ASPHD1: variants seen among roughly 807,000 people sequenced by gnomAD.
ASPHD1 encodes the protein aspartate beta-hydroxylase domain containing 1.
Under a neutral mutation model 28.3 loss-of-function variants are expected in ASPHD1, and 20 were observed. The observed-to-expected ratio is 0.71, with a 90% CI of 0.50 to 1.03. ASPHD1 has a LOEUF of 1.03. ASPHD1 is among the 50% of genes least tolerant of loss of function. The pLI, the probability that ASPHD1 is intolerant of heterozygous loss-of-function variation, is 0.00. For missense variants in ASPHD1, 479 were observed against 524.1 expected, an observed-to-expected ratio of 0.91 and a Z score of 0.84; for synonymous variants, 240 against 221.2, an observed-to-expected ratio of 1.08 and a Z score of -0.75.
chr16:29,904,963 A>G lies in ASPHD1; in HGVS notation c.1061A>G (p.Asn354Ser). The change falls in exon 2 of 3, where the codon AAT becomes AGT. Residue 354 changes from asparagine (N) to serine (S), a missense_variant and splice_region_variant. Coordinates refer to ENST00000308748, the MANE Select transcript of ASPHD1 (RefSeq NM_181718.4). ...DDSFLHTVAH[N>S]GSPEDGPRVV... ...TCTTTTCTACACACAGTGGCTCACAATGGTAACGGGGTGCCCATTCTGCAG... is the reference window on the plus strand; with the variant it reads ...TCTTTTCTACACACAGTGGCTCACAGTGGTAACGGGGTGCCCATTCTGCAG... 1.2e-6 allele frequency: 2 copies of G among 1,610,940 alleles called. No individual in the cohort carries two copies. The highest frequency in any genetic ancestry group is 2.2e-5 in the South Asian group (2 of 90,832).
intron 3 of ASPHD1, chr16:29,912,233 G>C (rs765666130): frequency 4.8e-6 from 3 of 625,936 alleles, no homozygotes; most frequent in Non-Finnish European, 5.6e-6. Flanking sequence ...TTGGTCCCAC[G>C]GACACCTTGC....
downstream of ASPHD1, chr16:29,910,889 G>A: frequency 2.5e-6 from 3 of 1,219,668 alleles, no homozygotes; most frequent in Non-Finnish European, 3.5e-6. Context: ...TCCTGGTGGT[G>A]GGCTCCTTCC....
chr16:29,911,540 G>A (rs1178840249), intron 3 of ASPHD1: 7 of 588,200 alleles, frequency 1.2e-5, no homozygotes, highest in African/African-American at 7.5e-5. Context: ...ACCTCAAGGG[G>A]GAGGACTCTG....
At chr16:29,909,122 A>G (rs2068661848), downstream of ASPHD1, among the ~76,000 whole-genome samples, 1 of 152,038 alleles carries the variant, frequency 6.6e-6, no homozygotes, top group Admixed American at 6.6e-5. Flanking sequence ...CTAATGGGAG[A>G]TAGGAAAGAA....
At chr16:29,909,956 G>A (rs1026342764), downstream of ASPHD1, among the ~76,000 whole-genome samples, 1 of 151,890 alleles carries the variant, frequency 6.6e-6, no homozygotes, top group Non-Finnish European at 1.5e-5. Flanking sequence ...AAAATTAGCC[G>A]GGCATGGAGG....
intron 1 of ASPHD1, among the ~76,000 whole-genome samples, chr16:29,904,033 C>T (rs2068577523): frequency 6.6e-6 from 1 of 152,012 alleles, no homozygotes; most frequent in South Asian, 2.1e-4. Context: ...CTGCCAGGTG[C>T]CGTGGCTCAT....
chr16:29,916,907 T>C (rs922950840), intron 3 of ASPHD1, among the ~76,000 whole-genome samples: 2 of 152,152 alleles, frequency 1.3e-5, no homozygotes, highest in African/African-American at 4.8e-5. Context: ...GGGGAGTCTG[T>C]GCTTGCTGTC....
At chr16:29,908,921 C>T (rs532822235), downstream of ASPHD1, among the ~76,000 whole-genome samples, 1 of 152,014 alleles carries the variant, frequency 6.6e-6, no homozygotes, top group Admixed American at 6.6e-5. Flanking sequence ...CCTCAAACTC[C>T]TGGCCTTAAT....
At chr16:29,910,925 TC>T (rs2068696115), downstream of ASPHD1, 18 of 1,540,438 alleles carry the variant, frequency 1.2e-5, no homozygotes, top group Non-Finnish European at 1.4e-5. Flanking sequence ...TTGTCCAGGG[TC>T]CTGGTCCTGG....
intron 3 of ASPHD1, among the ~76,000 whole-genome samples, chr16:29,915,724 GATT>G (rs2068798520): frequency 6.6e-6 from 1 of 152,138 alleles, no homozygotes; most frequent in Admixed American, 6.6e-5. Context: ...TCAGAAGCGT[GATT>G]ATTATTTCAT....
downstream of ASPHD1, chr16:29,906,944 G>A: frequency 1.2e-6 from 2 of 1,614,112 alleles, no homozygotes; most frequent in East Asian, 2.2e-5. Flanking sequence ...CATGGATCCT[G>A]CGGACACGGT....
In ASPHD1 at chr16:29,901,550, A is replaced by G. The variant is rs200659218; in HGVS notation, c.579A>G (p.Pro193=). Residue 193 remains proline, a synonymous_variant, in exon 1 of 3, where the codon CCA becomes CCG. Transcript: ENST00000308748. The surrounding 1 kb of genome is among the most constrained non-coding windows in gnomAD (Gnocchi z 5.1). Reference sequence around the variant, plus strand: ...AGCGCCCAGGCCTGCTTTTCCTACCAGACCTGCCTTCAGCCCCCTTTGTGC... The same window carrying G: ...AGCGCCCAGGCCTGCTTTTCCTACCGGACCTGCCTTCAGCCCCCTTTGTGC... ...GIQRPGLLFL[P]DLPSAPFVPR... 3.1e-5 allele frequency: 48 copies of G among 1,558,620 alleles called. No individual in the cohort carries two copies. The highest frequency in any genetic ancestry group is 1.1e-5 in the Non-Finnish European group (13 of 1,158,754).
intron 1 of ASPHD1, among the ~76,000 whole-genome samples, chr16:29,902,479 T>G (rs965767643): frequency 6.6e-6 from 1 of 152,244 alleles, no homozygotes; most frequent in African/African-American, 2.4e-5. Context: ...AACATTCTAG[T>G]TAAGTGCTCT....
At chr16:29,908,480 G>A (rs948077438), downstream of ASPHD1, among the ~76,000 whole-genome samples, 3 of 152,118 alleles carry the variant, frequency 2.0e-5, no homozygotes, top group Admixed American at 1.3e-4. Flanking sequence ...CACTTCCCAA[G>A]TTCAAGCGAT....
intron 3 of ASPHD1, chr16:29,912,032 C>A (rs1424445083): frequency 6.2e-7 from 1 of 1,608,160 alleles, no homozygotes; most frequent in Non-Finnish European, 8.5e-7. Flanking sequence ...ACAGCGGGGA[C>A]AGCGTCTCCC....
downstream of ASPHD1, chr16:29,906,879 T>C (rs1163039453): frequency 6.2e-7 from 1 of 1,613,982 alleles, no homozygotes; most frequent in Non-Finnish European, 8.5e-7. Context: ...AGGTCAGTCC[T>C]TGAAGACAAT....
chr16:29,911,590 C>A, intron 3 of ASPHD1: 1 of 598,556 alleles, frequency 1.7e-6, no homozygotes, highest in Non-Finnish European at 3.0e-6. Flanking sequence ...AGGCTCGCCA[C>A]TATCACTTTG....
At chr16:29,906,982 G>T, downstream of ASPHD1, 1 of 1,614,128 alleles carries the variant, frequency 6.2e-7, no homozygotes, top group South Asian at 1.1e-5. Flanking sequence ...TCCTCCCCGC[G>T]GCCAGCCCCA....
Position 29,904,938 on chromosome 16 carries a change from T to A in ASPHD1, c.1036T>A (p.Ser346Thr), listed in dbSNP as rs1470812122. 6.2e-7 allele frequency: 1 copy of A among 1,613,274 alleles called. No homozygotes were observed. Among genetic ancestry groups the A allele is most frequent in the Non-Finnish European group, 8.5e-7 (1 of 1,179,696 alleles). Residue 346 changes from serine (S) to threonine (T), a missense_variant, in exon 2 of 3, where the codon TCT becomes ACT. Physicochemically the swap from Ser to Thr is moderately conservative, Grantham distance 58. Transcript: ENST00000308748. The stretch of plus-strand genomic sequence containing the variant: ...GGGGCACTGTCTACTGGTGGACGAC[T>A]CTTTTCTACACACAGTGGCTCACAA... ...AEGHCLLVDDSFLHTVAHNGS... is the reference protein window; with the variant it reads ...AEGHCLLVDDTFLHTVAHNGS...
Sources: gnomAD v4.1 joint callset for allele counts (sites outside exome capture counted in the v4.1 genomes callset) on GRCh38, gnomAD v4.1.1 for gene constraint, Gnocchi (gnomAD v3.1) non-coding constraint, MANE v1.5 for transcripts, NCBI Gene and HGNC (gene_info 2026-07-23, HGNC 2026-07-21) for gene names.